The following JAG2 variants were observed in gnomAD, a reference collection of about 807,000 sequenced individuals.
The protein encoded by JAG2 is jagged canonical Notch ligand 2.
In JAG2, 46 loss-of-function variants were observed where a neutral mutation model predicts 141.7. That is an observed-to-expected ratio of 0.32 (90% CI 0.26 to 0.42). JAG2 has a LOEUF of 0.42. Ranked by LOEUF, JAG2 falls within the 10% of genes least tolerant of loss-of-function variation. The probability of loss-of-function intolerance (pLI) is 1.00; values close to 1 mark genes in which losing one functional copy is unlikely to be tolerated. For synonymous variants in JAG2, 862 were observed against 763.5 expected (o/e 1.13, Z -2.13); for missense variants, 1,500 against 1,817.5 (o/e 0.83, Z 3.18).
rs1888208080 is a variant in JAG2 at position 105,145,917 on chromosome 14, G to A, written c.2766C>T (p.Ala922=). 6.4e-7 allele frequency: 1 copy of A among 1,572,904 alleles called. No individual in the cohort carries two copies. Among genetic ancestry groups the A allele is most frequent in the African/African-American group, 1.4e-5 (1 of 74,058 alleles). Residue 922 remains alanine, a synonymous_variant, in exon 23 of 26, where the codon GCC becomes GCT. Transcript: ENST00000331782. Reference sequence around the variant, plus strand: ...GGCACCTTTGCCCCAGTGGGCACTGGGCGCTCAGGGCCTCGGGCTGGCCGG... The same window carrying A: ...GGCACCTTTGCCCCAGTGGGCACTGAGCGCTCAGGGCCTCGGGCTGGCCGG... ...LLAGQPEALS[A]QCPLGQRCLE...
intron 2 of JAG2, among the ~76,000 whole-genome samples, chr14:105,160,276 C>G (rs1475650254): frequency 1.0e-5 from 1 of 99,904 alleles, no homozygotes. Context: ...GCTCAGAGCA[C>G]CCTTGGGGTT....
intron 2 of JAG2, among the ~76,000 whole-genome samples, chr14:105,158,212 G>A (rs1381779173): frequency 6.6e-6 from 1 of 152,136 alleles, no homozygotes; most frequent in Non-Finnish European, 1.5e-5. Flanking sequence ...GGGGGAGAAC[G>A]TGGGGCCCCA....
intron 2 of JAG2, among the ~76,000 whole-genome samples, chr14:105,160,257 G>A (rs11848499): frequency 0.64 from 26,658 of 41,528 alleles, 8,985 homozygotes; most frequent in Middle Eastern, 0.81. Context: ...CTCTGTCCAC[G>A]CCCTCTCAGC....
chr14:105,147,977 G>T, intron 17 of JAG2, 89 bp from the exon 18 acceptor site: 1 of 1,217,134 alleles, frequency 8.2e-7, no homozygotes, highest in Non-Finnish European at 1.2e-6. Flanking sequence ...AGACAGGGCA[G>T]ACAGACCCGG....
chr14:105,148,109 T>G lies in JAG2; in HGVS notation c.2248+7A>C. 1.9e-6 allele frequency: 3 copies of G among 1,541,018 alleles called. No homozygotes were observed. The South Asian group carries it at 3.6e-5, about 18-fold the overall frequency. ...CGGCGGTCGCAGAGGCAGCGGGGGCTCCTCACCGACGGCGCAGGTGCTGCC... is the reference window on the plus strand; with the variant it reads ...CGGCGGTCGCAGAGGCAGCGGGGGCGCCTCACCGACGGCGCAGGTGCTGCC... On this transcript the variant is annotated splice_region_variant and intron_variant, in intron 17 of 25. Transcript: ENST00000331782.
At chr14:105,153,364 C>G (rs1184671253) in intron 5 of JAG2, among the ~76,000 whole-genome samples, 1 of 152,230 alleles carries the variant, frequency 6.6e-6, no homozygotes, top group Non-Finnish European at 1.5e-5. Flanking sequence ...CCTCACATCC[C>G]GCCTAGAATC....
chr14:105,144,825 C>T (rs1193779019), intron 24 of JAG2, 105 bp downstream of exon 24: 3 of 1,431,122 alleles, frequency 2.1e-6, no homozygotes, highest in Non-Finnish European at 2.9e-6. Flanking sequence ...CGCAGTCCTT[C>T]CGCACCAGGA....
Position 105,148,146 on chromosome 14 carries a change from G to A in JAG2, c.2218C>T (p.Pro740Ser), listed in dbSNP as rs1391639850. ...SGDTFRCACP[P>S]GWKGSTCAVA... Reference sequence around the variant, plus strand: ...GCGCAGGTGCTGCCCTTCCAGCCGGGGGGGCAGGCGCAGCGGAAGGTGTCG... The same window carrying A: ...GCGCAGGTGCTGCCCTTCCAGCCGGAGGGGCAGGCGCAGCGGAAGGTGTCG... The change falls in exon 17 of 26, where the codon CCC (proline) becomes TCC (serine). Residue 740 changes from proline (P) to serine (S), a missense_variant. Pro to Ser is a moderately conservative substitution (Grantham distance 74, BLOSUM62 -1). Around this residue, in one of 3 missense-constraint regions of JAG2, gnomAD observed 875 missense variants for 1,202.2 expected, o/e 0.73. Transcript: ENST00000331782. 19 of 1,549,596 alleles carry A rather than the reference G, an allele frequency of 1.2e-5. No individual in the cohort carries two copies. The highest frequency in any genetic ancestry group is 1.5e-5 in the Non-Finnish European group (17 of 1,146,656).
At chr14:105,148,591 C>T in intron 15 of JAG2, 152 bp from the exon 16 acceptor site, 1 of 882,758 alleles carries the variant, frequency 1.1e-6, no homozygotes, top group South Asian at 1.6e-5. Context: ...GGCATGGGGG[C>T]AGCCTGGGAC....
chr14:105,158,566 G>A (rs587750236), intron 2 of JAG2, among the ~76,000 whole-genome samples: 2 of 152,254 alleles, frequency 1.3e-5, no homozygotes, highest in South Asian at 2.1e-4. Context: ...GCTCCGCCTA[G>A]TGCAGCCCAC....
rs745950515 is a variant in JAG2 at position 105,145,069 on chromosome 14, G to A, written c.2953-8C>T. On this transcript the variant is annotated splice_region_variant and splice_polypyrimidine_tract_variant and intron_variant, in intron 23 of 25. Transcript: ENST00000331782. ...GGCGCCCACCGTGGTGCCCTGGGCA[G>A]AGACAGGCAGTGCGTGGGCAGGGCA... is the stretch of plus-strand genomic sequence containing the variant. 89 of 1,609,444 alleles carry A rather than the reference G, an allele frequency of 5.5e-5. No homozygotes were observed. Among genetic ancestry groups the A allele is most frequent in the Admixed American group, 4.7e-4 (28 of 59,970 alleles).
In JAG2 at chr14:105,147,835, C is replaced by T; in HGVS notation, c.2302G>A (p.Gly768Ser). 6.4e-7 allele frequency: 1 copy of T among 1,551,026 alleles called. No homozygotes were observed. Among genetic ancestry groups the T allele is most frequent in the Non-Finnish European group, 8.7e-7 (1 of 1,148,354 alleles). The change falls in exon 18 of 26, where the codon GGC becomes AGC. Residue 768 changes from glycine (G) to serine (S), a missense_variant. By Grantham distance (56) the Gly-to-Ser change is moderately conservative (BLOSUM62 0). This residue lies in a region of JAG2 where 875 missense variants were observed against 1,202.2 expected (regional missense o/e 0.73). Transcript: ENST00000331782. ...ATGCAGGAGAAGGAGGCCCCGCTGC[C>T]CACGCAGGTGCCACCATTCACACAG... ...NPCVNGGTCV[G>S]SGASFSCICR...
Position 105,152,173 on chromosome 14 carries a change from G to A in JAG2, c.907C>T (p.Leu303Phe), listed in dbSNP as rs1888455901. ...CNCETNWGGLLCDKDLNYCGS... is the reference protein window; with the variant it reads ...CNCETNWGGLFCDKDLNYCGS... ...CCCCTACCACTACCTTTGTCACAGAGCAGGCCGCCCCAGTTGGTCTCACAG... is the reference window on the plus strand; with the variant it reads ...CCCCTACCACTACCTTTGTCACAGAACAGGCCGCCCCAGTTGGTCTCACAG... Residue 303 changes from leucine to phenylalanine, a missense_variant, in exon 6 of 26, where the codon CTC (leucine) becomes TTC (phenylalanine). This residue lies in a region of JAG2 where 875 missense variants were observed against 1,202.2 expected (regional missense o/e 0.73). Coordinates refer to ENST00000331782, the MANE Select transcript of JAG2 (RefSeq NM_002226.5). 1.2e-6 allele frequency: 2 copies of A among 1,613,668 alleles called. No homozygotes were observed. Among genetic ancestry groups the A allele is most frequent in the Non-Finnish European group, 1.7e-6 (2 of 1,180,024 alleles).
At chr14:105,148,492 G>A (rs587747682) in intron 15 of JAG2, 53 bp from the exon 16 acceptor site, 24 of 1,345,478 alleles carry the variant, frequency 1.8e-5, no homozygotes, top group African/African-American at 5.7e-5. Context: ...GCTCAGGGAG[G>A]GCTTCCCGGG....
chr14:105,158,494 C>A (rs1368463568), intron 2 of JAG2, among the ~76,000 whole-genome samples: 1 of 152,146 alleles, frequency 6.6e-6, no homozygotes, highest in Non-Finnish European at 1.5e-5. Flanking sequence ...GGCCCTTGTA[C>A]CCCAGCCATG....
intron 2 of JAG2, among the ~76,000 whole-genome samples, chr14:105,163,974 T>C (rs1399763651): frequency 6.6e-6 from 1 of 152,026 alleles, no homozygotes; most frequent in Non-Finnish European, 1.5e-5. Flanking sequence ...GGCCGAAGCC[T>C]GGCTCCACAA....
Position 105,143,474 on chromosome 14 carries a change from G to A in JAG2, c.3241+8C>T, listed in dbSNP as rs771962777. 89 of 1,546,648 alleles carry A rather than the reference G, an allele frequency of 5.8e-5. 1 individual carries two copies. The highest frequency in any genetic ancestry group is 5.3e-4 in the Middle Eastern group (3 of 5,698). ...GTGCCTTCCCAGGGGCCCACCTCCC[G>A]CGCTTACCTGTGGAAGAGCCGCCCG... On this transcript the variant is annotated splice_region_variant and intron_variant, in intron 25 of 25. Transcript: ENST00000331782.
chr14:105,143,317 GGGGGCTGGGAAGGTCAGGTTGT>G, intron 25 of JAG2, 143 bp downstream of exon 25: 1 of 1,299,250 alleles, frequency 7.7e-7, no homozygotes, highest in Non-Finnish European at 1.1e-6. Flanking sequence ...GTCCCAGGAC[GGGGGCTGGGAAGGTCAGGTTGT>G]GGGGCTGGGC....
At position 105,142,939 on chromosome 14, in the gene JAG2, G is replaced by A. The variant is rs376149193; in HGVS notation, c.3473C>T (p.Pro1158Leu). 1.6e-5 allele frequency: 25 copies of A among 1,608,502 alleles called. No homozygotes were observed. Among genetic ancestry groups the A allele is most frequent in the African/African-American group, 2.7e-5 (2 of 74,788 alleles). ...GGGCAGCGCCTCGTCCGCCCTGCGC[G>A]GCGGCGGCGTGAAGTTCTTGCACTG... The part of the protein sequence containing the change: ...LYQCKNFTPP[P>L]RRADEALPGP... Residue 1158 changes from proline to leucine, a missense_variant, in exon 26 of 26, where the codon CCG (proline) becomes CTG (leucine). Coordinates refer to ENST00000331782, the MANE Select transcript of JAG2 (RefSeq NM_002226.5).
Sources: gnomAD v4.1 joint callset for allele counts (sites outside exome capture counted in the v4.1 genomes callset) on GRCh38, gnomAD v4.1.1 for gene constraint, gnomAD v4.1.1 regional missense constraint, MANE v1.5 for transcripts, NCBI Gene and HGNC (gene_info 2026-07-23, HGNC 2026-07-21) for gene names.